NACC2: variants seen among roughly 807,000 people sequenced by gnomAD.
NACC2 encodes nucleus accumbens-associated protein 2.
Under a neutral mutation model 25.1 loss-of-function variants are expected in NACC2, and 8 were observed. That is an observed-to-expected ratio of 0.32 (90% CI 0.19 to 0.57). The LOEUF (loss-of-function observed/expected upper bound fraction) is 0.57, where lower values mean the gene tolerates loss of function less well. NACC2 is among the 20% of genes least tolerant of loss of function. The pLI is 0.89. For missense variants in NACC2, 644 were observed against 650.2 expected, an observed-to-expected ratio of 0.99 and a Z score of 0.10; for synonymous variants, 435 against 294.7, an observed-to-expected ratio of 1.48 and a Z score of -4.88.
At chr9:136,087,965 T>C (rs1306574663) in intron 1 of NACC2, among the ~76,000 whole-genome samples, 1 of 138,544 alleles carries the variant, frequency 7.2e-6, no homozygotes, top group Non-Finnish European at 1.7e-5. Context: ...TTCCGGGAGG[T>C]GACCTGGGGA....
intron 1 of NACC2, among the ~76,000 whole-genome samples, chr9:136,083,556 G>A (rs568507272): frequency 2.8e-4 from 42 of 152,372 alleles, no homozygotes; most frequent in Admixed American, 2.5e-3. Context: ...GTCCAGAGGT[G>A]TCTTCTGAGA....
Position 136,011,770 on chromosome 9 carries a change from C to T in NACC2, c.1510G>A (p.Ala504Thr), listed in dbSNP as rs563228054. Reference sequence around the variant, plus strand: ...TCAGTTCTCAGAGCCACGATGGTGGCGGCGTCGCCCCGCCGCTCGGCGTAG... The same window carrying T: ...TCAGTTCTCAGAGCCACGATGGTGGTGGCGTCGCCCCGCCGCTCGGCGTAG... ...RIYAERRGDA[A>T]TIVALRTDAV... The change falls in exon 6 of 6, where the codon GCC (alanine) becomes ACC (threonine). Residue 504 changes from alanine (A) to threonine (T), a missense_variant. Coordinates refer to ENST00000277554, the MANE Select transcript of NACC2 (RefSeq NM_144653.5). 33 of 1,531,824 alleles carry T rather than the reference C, an allele frequency of 2.2e-5. No individual in the cohort carries two copies. Among genetic ancestry groups the T allele is most frequent in the African/African-American group, 9.7e-5 (7 of 71,848 alleles). 94.9% of individuals were successfully genotyped at this position (1,531,824 alleles called of 1,614,324 possible). A position where few individuals can be genotyped will look rare whatever the true frequency, so the allele number is the denominator to read the frequency against.
At chr9:136,074,467 A>AAATTAGCCAGGCATGGTGGGAC (rs1588580722) in intron 1 of NACC2, among the ~76,000 whole-genome samples, 1 of 144,768 alleles carries the variant, frequency 6.9e-6, no homozygotes, top group Non-Finnish European at 1.5e-5. Context: ...AAAAAAAGAA[A>AAATTAGCCAGGCATGGTGGGAC]AAAGAAGAAA....
chr9:136,042,367 C>T (rs1020031042), intron 2 of NACC2, among the ~76,000 whole-genome samples: 12 of 152,122 alleles, frequency 7.9e-5, no homozygotes, highest in African/African-American at 2.4e-4. Flanking sequence ...GTAATCCTGA[C>T]GGGGGGTATC....
In NACC2 at chr9:136,055,604, T is replaced by C. The variant is rs2131166868; in HGVS notation, c.-59-5024A>G. 6.6e-6 allele frequency among the ~76,000 whole-genome samples: 1 copy of C among 152,336 alleles called. No individual in the cohort carries two copies. The highest frequency in any genetic ancestry group is 2.4e-5 in the African/African-American group (1 of 41,578). On this transcript the variant is annotated intron_variant, in intron 1 of 5. Coordinates refer to ENST00000277554, the MANE Select transcript of NACC2 (RefSeq NM_144653.5). The surrounding 1 kb of genome is among the most constrained non-coding windows in gnomAD (Gnocchi z 4.9). ...CAAACCAGAGGAATGCGGCACTGAA[T>C]TTCTGCAGGATCACCACCAGCAAGG...
In NACC2 at chr9:136,055,766, C is replaced by T. The variant is rs982901737; in HGVS notation, c.-59-5186G>A. On this transcript the variant is annotated intron_variant, in intron 1 of 5. Transcript: ENST00000277554. The surrounding 1 kb of genome is among the most constrained non-coding windows in gnomAD (Gnocchi z 4.9). The stretch of plus-strand genomic sequence containing the variant: ...GTAGAGGAAGGAGAGAGGCGGGGCA[C>T]GGGAAACGTTCTGCGGAGGGGAGAG... 5.3e-5 allele frequency among the ~76,000 whole-genome samples: 8 copies of T among 152,288 alleles called. No individual in the cohort carries two copies. In the East Asian group the frequency reaches 5.8e-4, roughly 11 times the overall value.
At chr9:136,053,465 C>T (rs1003124844) in intron 1 of NACC2, among the ~76,000 whole-genome samples, 5 of 152,136 alleles carry the variant, frequency 3.3e-5, no homozygotes, top group South Asian at 2.1e-4. Flanking sequence ...TGGGCTCCAC[C>T]GGGCCAGGAG....
Position 136,028,509 on chromosome 9 carries a change from G to A in NACC2, c.887-12080C>T, listed in dbSNP as rs146931386. On this transcript the variant is annotated intron_variant, in intron 2 of 5. Coordinates refer to ENST00000277554, the MANE Select transcript of NACC2 (RefSeq NM_144653.5). ...TTCTGCCTCAGCCTCCTGCGTAACT[G>A]TGACTACAGGTGATGGCAGCGGTGG... Among the ~76,000 whole-genome samples the A allele has an allele frequency of 1.7e-3, 263 of 151,876 alleles. 3 individuals are homozygous for A. The highest frequency in any genetic ancestry group is 5.8e-3 in the African/African-American group (239 of 41,404).
chr9:136,024,537 AGTGT>A (rs966590438), intron 2 of NACC2, among the ~76,000 whole-genome samples: 1 of 77,450 alleles, frequency 1.3e-5, no homozygotes, highest in African/African-American at 4.9e-5. Context: ...GTGTGTGGAC[AGTGT>A]GTGTGAGGAC....
rs1431164442 is a variant in NACC2 at position 136,026,105 on chromosome 9, C to T, written c.887-9676G>A. On this transcript the variant is annotated intron_variant, in intron 2 of 5. Transcript: ENST00000277554. ...CTGTAACCCCAGCACTTTGGGAGGA[C>T]GAGGTGGGCAGATCACTTGAGGTTA... Among the ~76,000 whole-genome samples the T allele has an allele frequency of 2.6e-5, 4 of 151,124 alleles. No individual in the cohort carries two copies. In the East Asian group the frequency reaches 5.9e-4, roughly 22 times the overall value.
In NACC2 at chr9:136,086,336, G is replaced by A. The variant is rs369005252; in HGVS notation, c.-60+8853C>T. On this transcript the variant is annotated intron_variant, in intron 1 of 5. Coordinates refer to ENST00000277554, the MANE Select transcript of NACC2 (RefSeq NM_144653.5). The surrounding 1 kb of genome is among the most constrained non-coding windows in gnomAD (Gnocchi z 5.6). ...GCTGGGAGGGGTTTGGGGGGTGGGG[G>A]TGCCTCTGTTTTCCTGCATCATCAG... 3.9e-4 allele frequency among the ~76,000 whole-genome samples: 60 copies of A among 152,306 alleles called. No individual in the cohort carries two copies. The highest frequency in any genetic ancestry group is 1.4e-3 in the African/African-American group (58 of 41,574).
intron 1 of NACC2, among the ~76,000 whole-genome samples, chr9:136,094,912 C>A (rs1255884983): frequency 6.7e-6 from 1 of 149,118 alleles, no homozygotes; most frequent in Non-Finnish European, 1.5e-5. Flanking sequence ...CCCGAACGCG[C>A]GGCGCGGCGT....
chr9:136,012,651 GGTTT>G (rs1840128432), intron 5 of NACC2, among the ~76,000 whole-genome samples: 1 of 132,358 alleles, frequency 7.6e-6, no homozygotes, highest in African/African-American at 3.1e-5. Context: ...TGCCTCACAA[GGTTT>G]TTTTTTTTTT....
intron 2 of NACC2, among the ~76,000 whole-genome samples, chr9:136,024,366 CAGA>C (rs1463722959): frequency 1.2e-4 from 6 of 51,028 alleles, no homozygotes; most frequent in African/African-American, 3.9e-4. Context: ...TGTGTGAGGA[CAGA>C]AGGTGTGTGT....
intron 2 of NACC2, among the ~76,000 whole-genome samples, chr9:136,026,169 G>A (rs1343060665): frequency 6.0e-5 from 9 of 151,188 alleles, no homozygotes; most frequent in Non-Finnish European, 8.9e-5. Context: ...GCAAAACTCC[G>A]TCTCTACTAA....
chr9:136,091,600 T>C (rs11103326), intron 1 of NACC2, among the ~76,000 whole-genome samples: 41,365 of 152,062 alleles, frequency 0.27, 5,852 homozygotes, highest in East Asian at 0.42. Flanking sequence ...TCCAGACAGA[T>C]GCCTTCACGC....
chr9:136,045,841 T>G (rs945890792), intron 2 of NACC2, among the ~76,000 whole-genome samples: 11 of 152,178 alleles, frequency 7.2e-5, no homozygotes, highest in Non-Finnish European at 1.2e-4. Context: ...GATCCAGATG[T>G]GCCAAGGAGA....
chr9:136,063,152 T>A (rs764513821), intron 1 of NACC2, among the ~76,000 whole-genome samples: 1 of 152,220 alleles, frequency 6.6e-6, no homozygotes, highest in Non-Finnish European at 1.5e-5. Context: ...CTCTCTCCTG[T>A]CAAACGTGTG....
intron 2 of NACC2, among the ~76,000 whole-genome samples, chr9:136,048,429 A>T (rs2131160779): frequency 6.6e-6 from 1 of 152,350 alleles, no homozygotes; most frequent in South Asian, 2.1e-4. Context: ...TTCCGTAGCT[A>T]GCAAAGCTCC....
Sources: allele counts gnomAD v4.1 joint callset (sites outside exome capture counted in the v4.1 genomes callset), GRCh38; gene constraint gnomAD v4.1.1; non-coding constraint Gnocchi (gnomAD v3.1); transcripts MANE v1.5; gene names NCBI Gene and HGNC (gene_info 2026-07-23, HGNC 2026-07-21).